The following RGS6 variants were observed in gnomAD, a reference collection of about 807,000 sequenced individuals.
RGS6 encodes regulator of G-protein signaling 6.
In RGS6, 30 loss-of-function variants were observed where a neutral mutation model predicts 78.5. The ratio of observed to expected loss-of-function variants is 0.38; its 90% CI spans 0.29 to 0.52. The LOEUF (loss-of-function observed/expected upper bound fraction) is 0.52. RGS6 is among the 20% of genes least tolerant of loss of function. RGS6 has a pLI of 0.85. For missense variants in RGS6, 495 were observed against 609.7 expected (o/e 0.81, Z 1.98); for synonymous variants, 206 against 206.0 (o/e 1.00, Z 0.00).
At chr14:71,935,049 C>T (rs2088818677) in intron 1 of RGS6, among the ~76,000 whole-genome samples, 1 of 152,126 alleles carries the variant, frequency 6.6e-6, no homozygotes, top group East Asian at 1.9e-4. Flanking sequence ...CATTTAACCT[C>T]TTCATTTTCA....
intron 2 of RGS6, among the ~76,000 whole-genome samples, chr14:72,136,237 A>C (rs1175453409): frequency 2.0e-5 from 3 of 151,920 alleles, no homozygotes; most frequent in Non-Finnish European, 4.4e-5. Flanking sequence ...AAGAAGAGAC[A>C]CTCTCTATAT....
intron 2 of RGS6, among the ~76,000 whole-genome samples, chr14:72,105,392 T>G (rs2095613252): frequency 6.6e-6 from 1 of 152,220 alleles, no homozygotes; most frequent in Admixed American, 6.5e-5. Context: ...AGGGCAAGGA[T>G]CATGTTCTAT....
intron 2 of RGS6, among the ~76,000 whole-genome samples, chr14:72,337,630 C>T (rs1261792753): frequency 6.6e-6 from 1 of 152,140 alleles, no homozygotes; most frequent in Non-Finnish European, 1.5e-5. Context: ...TGGGGCTGGG[C>T]CCAGGGGTTT....
intron 14 of RGS6, among the ~76,000 whole-genome samples, chr14:72,515,309 A>T (rs1043807184): frequency 6.8e-5 from 9 of 132,396 alleles, no homozygotes; most frequent in African/African-American, 2.9e-4. Context: ...ACTTGTACTT[A>T]AAAAAATTCT....
intron 12 of RGS6, among the ~76,000 whole-genome samples, chr14:72,487,575 G>T (rs2096511967): frequency 6.6e-6 from 1 of 152,218 alleles, no homozygotes; most frequent in Non-Finnish European, 1.5e-5. Context: ...AGAGGCAGAA[G>T]AGTCGGTGTC....
At chr14:72,445,165 A>G (rs2095331995) in intron 3 of RGS6, among the ~76,000 whole-genome samples, 1 of 152,200 alleles carries the variant, frequency 6.6e-6, no homozygotes, top group South Asian at 2.1e-4. Flanking sequence ...TTAAGTAGTA[A>G]TTTGTTGAGA....
chr14:72,430,554 C>G (rs1444035560), intron 3 of RGS6, among the ~76,000 whole-genome samples: 1 of 152,192 alleles, frequency 6.6e-6, no homozygotes, highest in Non-Finnish European at 1.5e-5. Context: ...GCACCCAGCC[C>G]TAGGTCTCCA....
At chr14:72,046,377 C>T (rs1487092869) in intron 2 of RGS6, among the ~76,000 whole-genome samples, 1 of 152,050 alleles carries the variant, frequency 6.6e-6, no homozygotes, top group African/African-American at 2.4e-5. Flanking sequence ...CATTTTATTT[C>T]TAAAATTAAT....
chr14:71,909,576 T>TAGAGAGAGAGAG, the RGS6 span, among the ~76,000 whole-genome samples: 129 of 146,110 alleles, frequency 8.8e-4, no homozygotes, highest in East Asian at 2.0e-3. Context: ...AATAAGGACA[T>TAGAGAGAGAGAG]AGAGAGAGGG....
intron 2 of RGS6, among the ~76,000 whole-genome samples, chr14:72,347,564 G>T (rs2078289417): frequency 6.6e-6 from 1 of 152,172 alleles, no homozygotes; most frequent in Admixed American, 6.5e-5. Context: ...TTGTTCTCTT[G>T]TCTATAAAAT....
intron 2 of RGS6, among the ~76,000 whole-genome samples, chr14:72,004,903 C>T (rs371098101): frequency 7.9e-5 from 12 of 152,316 alleles, no homozygotes; most frequent in East Asian, 5.8e-4. Flanking sequence ...TGGTGTAACA[C>T]GAATGGTGGA....
chr14:72,540,751 T>C, intron 17 of RGS6: 1 of 1,259,812 alleles, frequency 7.9e-7, no homozygotes, highest in Non-Finnish European at 1.0e-6. Context: ...TCCTGGGTAC[T>C]CCCCGGGGGC....
chr14:72,451,500 T>TG (rs772813036), intron 3 of RGS6, among the ~76,000 whole-genome samples: 1 of 151,582 alleles, frequency 6.6e-6, no homozygotes, highest in South Asian at 2.1e-4. Flanking sequence ...TTGGGGTGGT[T>TG]GGGGGGAGCG....
At chr14:72,489,746 G>A (rs944078012) in intron 12 of RGS6, among the ~76,000 whole-genome samples, 18 of 114,896 alleles carry the variant, frequency 1.6e-4, no homozygotes, top group Admixed American at 1.5e-3. Context: ...GAGGTGAGAC[G>A]AGGCGAGGCG....
chr14:72,487,550 G>A (rs532578673), intron 12 of RGS6, among the ~76,000 whole-genome samples: 20 of 152,260 alleles, frequency 1.3e-4, no homozygotes, highest in East Asian at 7.7e-4. Context: ...ACAGGTTCCC[G>A]GAAATGTGGA....
intron 2 of RGS6, among the ~76,000 whole-genome samples, chr14:72,284,784 A>G (rs1337250741): frequency 6.6e-6 from 1 of 152,136 alleles, no homozygotes; most frequent in Non-Finnish European, 1.5e-5. Context: ...AAAGCCACAA[A>G]CACTCAAAGC....
chr14:71,919,387 C>G, the RGS6 span, among the ~76,000 whole-genome samples: 1 of 152,276 alleles, frequency 6.6e-6, no homozygotes, highest in African/African-American at 2.4e-5. Context: ...CCAGTGACGG[C>G]ATTTCTGACT....
chr14:72,605,284 G>GGGAGCA, the RGS6 span, among the ~76,000 whole-genome samples: 2 of 152,332 alleles, frequency 1.3e-5, no homozygotes, highest in African/African-American at 4.8e-5. Context: ...CCAGCAGAGA[G>GGGAGCA]GGAGCAGGAG....
At position 72,444,461 on chromosome 14, in the gene RGS6, C is replaced by T. The variant is rs576550088; in HGVS notation, c.185-10067C>T. On this transcript the variant is annotated intron_variant, in intron 3 of 17. Coordinates refer to ENST00000553525, the MANE Select transcript of RGS6 (RefSeq NM_001204424.2). The stretch of plus-strand genomic sequence containing the variant: ...CTCCTGCCCCATCTCCCCAGGCCTT[C>T]GCTGCAGGTCTTCTAGTCCTGGACG... Among the ~76,000 whole-genome samples, 6 of 152,282 alleles carry T rather than the reference C, an allele frequency of 3.9e-5. No individual in the cohort carries two copies. The East Asian group carries it at 5.8e-4, about 15-fold the overall frequency.
Sources: allele counts gnomAD v4.1 joint callset (sites outside exome capture counted in the v4.1 genomes callset), GRCh38; gene constraint gnomAD v4.1.1; transcripts MANE v1.5; gene names NCBI Gene and HGNC (gene_info 2026-07-23, HGNC 2026-07-21).